Variants in SBF2 observed in about 807,000 individuals in gnomAD.
SBF2 encodes SET binding factor 2.
In SBF2, 112 loss-of-function variants were observed where a neutral mutation model predicts 225.2. The observed-to-expected ratio is 0.50, with a 90% CI of 0.43 to 0.58. The LOEUF is 0.58. Among genes scored for constraint, SBF2 ranks in the 20% least tolerant of loss-of-function variants. The pLI is 0.00. For synonymous variants in SBF2, 763 were observed against 773.3 expected, an observed-to-expected ratio of 0.99 and a Z score of 0.22; for missense variants, 1,996 against 2,206.2, an observed-to-expected ratio of 0.90 and a Z score of 1.91.
In SBF2 at chr11:9,853,168, T is replaced by C. The variant is rs138820887; in HGVS notation, c.2536+372A>G. ...ACCAAACCCAAAAGTACAAATATTA[T>C]CTAAGTCCACTTATGTGAAATATCT... On this transcript the variant is annotated intron_variant, in intron 20 of 39. Coordinates refer to ENST00000256190, the MANE Select transcript of SBF2 (RefSeq NM_030962.4). 1.7e-4 allele frequency among the ~76,000 whole-genome samples: 26 copies of C among 152,280 alleles called. No individual in the cohort carries two copies. The Middle Eastern group carries it at 0.01, about 60-fold the overall frequency.
intron 2 of SBF2, among the ~76,000 whole-genome samples, chr11:10,172,142 C>T (rs368442756): frequency 1.7e-4 from 26 of 151,872 alleles, no homozygotes; most frequent in Admixed American, 3.9e-4. Context: ...ATTTCTGCTC[C>T]GATCTTTATT....
intron 12 of SBF2, among the ~76,000 whole-genome samples, chr11:9,992,192 TTGTTCAAAAATTATA>T (rs1404884357): frequency 6.6e-6 from 1 of 152,126 alleles, no homozygotes; most frequent in Admixed American, 6.6e-5. Context: ...TAAAATTCAG[TTGTTCAAAAATTATA>T]TGTATTTCCA....
At chr11:10,208,840 T>C (rs1323245750) in intron 1 of SBF2, among the ~76,000 whole-genome samples, 1 of 152,106 alleles carries the variant, frequency 6.6e-6, no homozygotes, top group African/African-American at 2.4e-5. Flanking sequence ...ACTGAAAATT[T>C]AAAACACAAT....
intron 17 of SBF2, among the ~76,000 whole-genome samples, chr11:9,861,437 G>A (rs1857731086): frequency 6.6e-6 from 1 of 152,186 alleles, no homozygotes; most frequent in Non-Finnish European, 1.5e-5. Flanking sequence ...GCTGAGACAG[G>A]CAGATCACTG....
At chr11:10,063,880 G>GAA (rs1257084449) in intron 2 of SBF2, among the ~76,000 whole-genome samples, 3 of 149,716 alleles carry the variant, frequency 2.0e-5, no homozygotes, top group Non-Finnish European at 4.5e-5. Context: ...GAGAGAGAGA[G>GAA]AAAACGAAAA....
intron 2 of SBF2, among the ~76,000 whole-genome samples, chr11:10,192,255 C>T (rs978417893): frequency 6.6e-6 from 1 of 152,026 alleles, no homozygotes; most frequent in Non-Finnish European, 1.5e-5. Context: ...CCTCACATTC[C>T]TTCCCCATTT....
chr11:10,095,467 A>C (rs1951977403), intron 2 of SBF2, among the ~76,000 whole-genome samples: 3 of 152,218 alleles, frequency 2.0e-5, no homozygotes, highest in African/African-American at 7.2e-5. Flanking sequence ...CCCACAATTT[A>C]GTACTTTCAA....
In SBF2 at chr11:10,018,894, C is replaced by T. The variant is rs61877041; in HGVS notation, c.619+9558G>A. ...CCTAAAACCCTGTTCTCAGGCTTCACCAAACATCTTACTATTCCATGAGGG... is the reference window on the plus strand; with the variant it reads ...CCTAAAACCCTGTTCTCAGGCTTCATCAAACATCTTACTATTCCATGAGGG... On this transcript the variant is annotated intron_variant, in intron 6 of 39. Coordinates refer to ENST00000256190, the MANE Select transcript of SBF2 (RefSeq NM_030962.4). Among the ~76,000 whole-genome samples the T allele has an allele frequency of 2.0e-5, 3 of 152,144 alleles. No individual in the cohort carries two copies. In the East Asian group the frequency reaches 5.8e-4, roughly 29 times the overall value.
chr11:10,118,274 C>T (rs1953261286), intron 2 of SBF2, among the ~76,000 whole-genome samples: 1 of 152,140 alleles, frequency 6.6e-6, no homozygotes, highest in Non-Finnish European at 1.5e-5. Context: ...TAAAGTAATA[C>T]TTATGTCCTT....
At chr11:10,252,833 AT>A (rs370984445) in intron 1 of SBF2, among the ~76,000 whole-genome samples, 2 of 136,318 alleles carry the variant, frequency 1.5e-5, no homozygotes, top group African/African-American at 2.5e-5. Context: ...AAAAAAAAAA[AT>A]CAAAAAAAAG....
intron 33 of SBF2, chr11:9,790,964 A>G (rs962536323): frequency 3.4e-5 from 9 of 267,166 alleles, no homozygotes; most frequent in Non-Finnish European, 5.7e-5. Context: ...TCCTGCATCT[A>G]TATCTAGATT....
chr11:10,098,743 C>G (rs540625085), intron 2 of SBF2, among the ~76,000 whole-genome samples: 1 of 146,000 alleles, frequency 6.8e-6, no homozygotes, highest in Non-Finnish European at 1.5e-5. Context: ...CTGAAGAACA[C>G]CATAAATGAA....
Position 9,781,639 on chromosome 11 carries a change from C to G in SBF2, c.5320-1G>C, listed in dbSNP as rs1432845177. Reference sequence around the variant, plus strand: ...CCTCACCTGAGTCATAGTAGCGCAGCTGGAACCAAAAGGATACAAGTGAGA... The same window carrying G: ...CCTCACCTGAGTCATAGTAGCGCAGGTGGAACCAAAAGGATACAAGTGAGA... On this transcript the variant is annotated splice_acceptor_variant, in intron 38 of 39. Coordinates refer to ENST00000256190, the MANE Select transcript of SBF2 (RefSeq NM_030962.4). LOFTEE classifies it high-confidence loss of function. The G allele has an allele frequency of 6.2e-7, 1 of 1,614,148 alleles. No homozygotes were observed. The highest frequency in any genetic ancestry group is 1.1e-5 in the South Asian group (1 of 91,082).
intron 2 of SBF2, among the ~76,000 whole-genome samples, chr11:10,079,573 A>G (rs1487787936): frequency 6.6e-6 from 1 of 152,212 alleles, no homozygotes; most frequent in Non-Finnish European, 1.5e-5. Context: ...TAATAAACAA[A>G]CAAAGCATTT....
At chr11:9,817,500 T>G (rs1854514111) in intron 28 of SBF2, among the ~76,000 whole-genome samples, 1 of 152,128 alleles carries the variant, frequency 6.6e-6, no homozygotes, top group Non-Finnish European at 1.5e-5. Context: ...ACTTCATAAG[T>G]CTACTAAAAT....
chr11:10,153,292 G>A (rs1955306834), intron 2 of SBF2, among the ~76,000 whole-genome samples: 1 of 151,986 alleles, frequency 6.6e-6, no homozygotes, highest in Non-Finnish European at 1.5e-5. Flanking sequence ...CATATTTGGG[G>A]CCACAAAACT....
intron 30 of SBF2, 82 bp downstream of exon 30, chr11:9,812,450 T>C: frequency 6.8e-7 from 1 of 1,470,834 alleles, no homozygotes. Context: ...CAAAGTATTT[T>C]TTTTCTCAAA....
chr11:10,173,573 G>A (rs912593525), intron 2 of SBF2, among the ~76,000 whole-genome samples: 54 of 152,302 alleles, frequency 3.5e-4, no homozygotes, highest in Admixed American at 3.9e-4. Flanking sequence ...AGGCGGCAGC[G>A]AGGCTGGGGG....
At chr11:9,939,840 A>T (rs766772702) in intron 16 of SBF2, among the ~76,000 whole-genome samples, 53 of 152,204 alleles carry the variant, frequency 3.5e-4, no homozygotes, top group Non-Finnish European at 6.9e-4. Context: ...TGAAATATTA[A>T]GTAATAATTA....
Sources: gnomAD v4.1 joint callset for allele counts (sites outside exome capture counted in the v4.1 genomes callset) on GRCh38, gnomAD v4.1.1 for gene constraint, MANE v1.5 for transcripts, NCBI Gene and HGNC (gene_info 2026-07-23, HGNC 2026-07-21) for gene names.